GCSH: variants seen among roughly 807,000 people sequenced by gnomAD.
GCSH encodes the protein glycine cleavage system protein H, also known as glycine cleavage system H protein, mitochondrial.
In GCSH, 15 loss-of-function variants were observed where a neutral mutation model predicts 21.3. That is an observed-to-expected ratio of 0.70 (90% CI 0.47 to 1.08). The LOEUF is 1.08. Among genes scored for constraint, GCSH ranks in the 50% least tolerant of loss-of-function variants. The pLI is 0.00. For synonymous variants in GCSH, 59 were observed against 84.5 expected, an observed-to-expected ratio of 0.70 and a Z score of 1.66; for missense variants, 179 against 217.5, an observed-to-expected ratio of 0.82 and a Z score of 1.11.
intron 2 of GCSH, among the ~76,000 whole-genome samples, chr16:81,088,598 C>T (rs1380353135): frequency 1.3e-5 from 2 of 152,174 alleles, no homozygotes; most frequent in Non-Finnish European, 2.9e-5. Context: ...GATGCAGTTT[C>T]ACCATGTTGG....
chr16:81,089,497 T>C lies in GCSH; in HGVS notation c.228+1104A>G, dbSNP rs1972353621. 3.3e-5 allele frequency among the ~76,000 whole-genome samples: 5 copies of C among 152,184 alleles called. 1 individual carries two copies. The highest frequency in any genetic ancestry group is 3.3e-4 in the Admixed American group (5 of 15,250). ...TACAGTAACATGCTGTACAGGTTTG[T>C]AGCCCAGGAGCAAAGGCTGTACCAT... On this transcript the variant is annotated intron_variant, in intron 2 of 4. Transcript: ENST00000315467.
chr16:81,094,378 C>G (rs781532932), intron 1 of GCSH, among the ~76,000 whole-genome samples: 4 of 150,246 alleles, frequency 2.7e-5, no homozygotes, highest in Non-Finnish European at 5.9e-5. Context: ...TGGAGGTGTG[C>G]TCTTGTCGTC....
At chr16:81,085,884 C>T (rs1438983295) in intron 3 of GCSH, among the ~76,000 whole-genome samples, 11 of 142 alleles carry the variant, frequency 0.077, 1 homozygote, top group Non-Finnish European at 0.5. Flanking sequence ...CGGCCGGGCG[C>T]GGTGGCTCAC....
chr16:81,088,618 C>A (rs1972331941), intron 2 of GCSH, among the ~76,000 whole-genome samples: 1 of 152,156 alleles, frequency 6.6e-6, no homozygotes. Context: ...GCCAGCTGGT[C>A]TTGAACTTTT....
intron 1 of GCSH, among the ~76,000 whole-genome samples, chr16:81,092,948 A>G (rs554107004): frequency 8.0e-4 from 122 of 152,212 alleles, no homozygotes; most frequent in African/African-American, 2.8e-3. Context: ...CCTGGCCAGC[A>G]TGGTGAAACC....
chr16:81,090,492 G>T lies in GCSH; in HGVS notation c.228+109C>A. 3 of 784,114 alleles carry T rather than the reference G, an allele frequency of 3.8e-6. No homozygotes were observed. In the Admixed American group the frequency reaches 5.7e-5, roughly 15 times the overall value. The allele number at this position is 784,114 out of a possible 1,614,324, so 48.6% of individuals were successfully genotyped here. Reference sequence around the variant, plus strand: ...CTGCCTCAGCCTCCCAAAGTGTTGGGATTACAGGCATGAGCCACCTCACGC... The same window carrying T: ...CTGCCTCAGCCTCCCAAAGTGTTGGTATTACAGGCATGAGCCACCTCACGC... On this transcript the variant is annotated intron_variant, in intron 2 of 4. Coordinates refer to ENST00000315467, the MANE Select transcript of GCSH (RefSeq NM_004483.5).
chr16:81,090,819 A>C, intron 1 of GCSH, 139 bp from the exon 2 acceptor site: 2 of 713,198 alleles, frequency 2.8e-6, no homozygotes, highest in Admixed American at 4.0e-5. Context: ...TGCATGGCTC[A>C]GGAAAGAATG....
intron 3 of GCSH, among the ~76,000 whole-genome samples, chr16:81,085,817 GC>G (rs1395468913): frequency 6.6e-6 from 1 of 151,412 alleles, no homozygotes; most frequent in African/African-American, 2.4e-5. Flanking sequence ...CCGAGACCAT[GC>G]CATTGCAGTC....
intron 1 of GCSH, among the ~76,000 whole-genome samples, chr16:81,095,358 A>T (rs1013903194): frequency 6.6e-6 from 1 of 151,156 alleles, no homozygotes; most frequent in African/African-American, 2.4e-5. Flanking sequence ...TAGTAAAAAA[A>T]TCTAGATCTG....
At chr16:81,084,340 A>T (rs917402466) in intron 4 of GCSH, 123 bp downstream of exon 4, 2 of 784,546 alleles carry the variant, frequency 2.5e-6, no homozygotes, top group Non-Finnish European at 4.5e-6. Flanking sequence ...AAAGCAGAAC[A>T]TCTCTATTTA....
Position 81,082,591 on chromosome 16 carries a change from ATAAC to A in GCSH, c.*271_*274del. ...GTTATCTTTGAATTATGTAATTTTT[ATAAC>A]TAGTTTTTACCATGGATAATTTCAT... is the stretch of plus-strand genomic sequence containing the variant. On this transcript the variant is annotated 3_prime_UTR_variant, in exon 5 of 5. Coordinates refer to ENST00000315467, the MANE Select transcript of GCSH (RefSeq NM_004483.5). 5.7e-6 allele frequency: 2 copies of A among 350,808 alleles called. No individual in the cohort carries two copies. Among genetic ancestry groups the A allele is most frequent in the Non-Finnish European group, 1.0e-5 (2 of 192,632 alleles). 21.7% of individuals were successfully genotyped at this position (350,808 alleles called of 1,614,324 possible). A position where few individuals can be genotyped will look rare whatever the true frequency, so the allele number is the denominator to read the frequency against.
chr16:81,090,851 G>C (rs1011240845), intron 1 of GCSH, 171 bp from the exon 2 acceptor site: 1 of 676,022 alleles, frequency 1.5e-6, no homozygotes, highest in Non-Finnish European at 2.7e-6. Flanking sequence ...TAGAGATGAC[G>C]CATTTAAACA....
intron 1 of GCSH, chr16:81,091,041 G>C: frequency 2.2e-6 from 1 of 448,962 alleles, no homozygotes; most frequent in East Asian, 6.6e-5. Flanking sequence ...TGCCTCTGAA[G>C]ACAAATTTGG....
Position 81,096,362 on chromosome 16 carries a change from GA to G in GCSH, c.-85del. On this transcript the variant is annotated 5_prime_UTR_variant, in exon 1 of 5. Coordinates refer to ENST00000315467, the MANE Select transcript of GCSH (RefSeq NM_004483.5). ...GGCGGGGAGGGGCAGTTCGCGGCCG[GA>G]GGGAGCCGGCTGGATGGAGGCGCGG... 1 of 1,140,936 alleles carries G rather than the reference GA, an allele frequency of 8.8e-7. No individual in the cohort carries two copies. Among genetic ancestry groups the G allele is most frequent in the Non-Finnish European group, 1.1e-6 (1 of 873,294 alleles). The allele number at this position is 1,140,936 out of a possible 1,614,324, so 70.7% of individuals were successfully genotyped here.
intron 3 of GCSH, among the ~76,000 whole-genome samples, chr16:81,085,716 C>T (rs995643095): frequency 5.3e-5 from 8 of 151,892 alleles, no homozygotes; most frequent in African/African-American, 1.5e-4. Flanking sequence ...AAAAATTAGC[C>T]GGGCGTGGTG....
intron 2 of GCSH, 109 bp downstream of exon 2, chr16:81,090,492 G>A: frequency 1.3e-6 from 1 of 784,114 alleles, no homozygotes; most frequent in South Asian, 1.4e-5. Flanking sequence ...AAAGTGTTGG[G>A]ATTACAGGCA....
intron 1 of GCSH, chr16:81,090,931 C>A: frequency 3.5e-6 from 2 of 565,490 alleles, no homozygotes; most frequent in South Asian, 1.9e-5. Flanking sequence ...GGATTATCTG[C>A]TTTAACATTA....
In GCSH at chr16:81,087,573, A is replaced by C. The variant is rs761463147; in HGVS notation, c.292+28T>G. ...AATGTAAACAAAATTCATGGCATGG[A>C]TCATTCTAAGATCCTAAGAACACTC... On this transcript the variant is annotated intron_variant, in intron 3 of 4. Transcript: ENST00000315467. 4.8e-6 allele frequency: 7 copies of C among 1,469,816 alleles called. 1 individual carries two copies. The South Asian group carries it at 7.9e-5, about 17-fold the overall frequency. 91.0% of individuals were successfully genotyped at this position (1,469,816 alleles called of 1,614,324 possible).
intron 1 of GCSH, among the ~76,000 whole-genome samples, chr16:81,093,647 C>G (rs2151773813): frequency 6.6e-6 from 1 of 152,112 alleles, no homozygotes; most frequent in South Asian, 2.1e-4. Flanking sequence ...TCAAGACCAC[C>G]CTGGCCAACA....
Sources: gnomAD v4.1 joint callset for allele counts (sites outside exome capture counted in the v4.1 genomes callset) on GRCh38, gnomAD v4.1.1 for gene constraint, MANE v1.5 for transcripts, NCBI Gene and HGNC (gene_info 2026-07-23, HGNC 2026-07-21) for gene names.